RALGAPA1: variants seen among roughly 807,000 people sequenced by gnomAD.
RALGAPA1 encodes the protein ral GTPase-activating protein subunit alpha-1.
In RALGAPA1, 52 loss-of-function variants were observed where a neutral mutation model predicts 269.6. That is an observed-to-expected ratio of 0.19 (90% confidence interval 0.15 to 0.24). The LOEUF (loss-of-function observed/expected upper bound fraction) is 0.24, where lower values mean the gene tolerates loss of function less well. Among genes scored for constraint, RALGAPA1 ranks in the 10% least tolerant of loss-of-function variants. The pLI is 1.00. For synonymous variants in RALGAPA1, 817 were observed against 1,008.3 expected (o/e 0.81, Z 3.60); for missense variants, 1,917 against 3,013.9 (o/e 0.64, Z 8.52).
At chr14:35,547,420 A>T (rs181042564) in intron 41 of RALGAPA1, among the ~76,000 whole-genome samples, 25 of 152,226 alleles carry the variant, frequency 1.6e-4, no homozygotes, top group Admixed American at 1.2e-3. Context: ...TACAGCTGGT[A>T]AACAACGACA....
In RALGAPA1 at chr14:35,684,008, T is replaced by C. The variant is rs747164501; in HGVS notation, c.4295-23A>G. 7 of 1,584,840 alleles carry C rather than the reference T, an allele frequency of 4.4e-6. No homozygotes were observed. In the East Asian group the frequency reaches 6.7e-5, roughly 15 times the overall value. On this transcript the variant is annotated intron_variant, in intron 20 of 41. Transcript: ENST00000680220. ...AATCTATAGGAAGAAGAAATGTTATTATATGAGTCCCAATTACAAAGTAAA... is the reference window on the plus strand; with the variant it reads ...AATCTATAGGAAGAAGAAATGTTATCATATGAGTCCCAATTACAAAGTAAA...
At chr14:35,643,004 T>A (rs1036338585) in intron 31 of RALGAPA1, among the ~76,000 whole-genome samples, 2 of 151,998 alleles carry the variant, frequency 1.3e-5, no homozygotes, top group Non-Finnish European at 1.5e-5. Context: ...TATGCAGCCA[T>A]AAAAAGGATG....
At chr14:35,806,989 G>A (rs1160764693) in intron 1 of RALGAPA1, among the ~76,000 whole-genome samples, 5 of 152,122 alleles carry the variant, frequency 3.3e-5, no homozygotes, top group Non-Finnish European at 7.4e-5. Context: ...TGCCTTATAT[G>A]TGTGACCTCT....
At chr14:35,570,364 A>G (rs1012538840) in intron 39 of RALGAPA1, among the ~76,000 whole-genome samples, 4 of 151,844 alleles carry the variant, frequency 2.6e-5, no homozygotes, top group African/African-American at 9.7e-5. Context: ...ACATCAATAA[A>G]CAGGGAATCA....
intron 35 of RALGAPA1, among the ~76,000 whole-genome samples, chr14:35,623,173 A>G (rs2060754441): frequency 6.6e-6 from 1 of 152,156 alleles, no homozygotes; most frequent in African/African-American, 2.4e-5. Flanking sequence ...AGCACAACAA[A>G]TAATTCAAGA....
chr14:35,596,872 G>A (rs17103417), intron 36 of RALGAPA1, among the ~76,000 whole-genome samples: 2 of 151,982 alleles, frequency 1.3e-5, no homozygotes, highest in Non-Finnish European at 2.9e-5. Context: ...TTATATGTTT[G>A]TATGCACACA....
intron 36 of RALGAPA1, among the ~76,000 whole-genome samples, chr14:35,598,401 TTA>T (rs149494591): frequency 6.7e-6 from 1 of 150,218 alleles, no homozygotes; most frequent in Non-Finnish European, 1.5e-5. Flanking sequence ...CTATATTGTT[TTA>T]TATATATATA....
chr14:35,724,545 G>C (rs1213275717), intron 14 of RALGAPA1, among the ~76,000 whole-genome samples: 1 of 151,524 alleles, frequency 6.6e-6, no homozygotes, highest in African/African-American at 2.4e-5. Flanking sequence ...GAGAAGGGAG[G>C]ATAATAAAGT....
intron 35 of RALGAPA1, among the ~76,000 whole-genome samples, chr14:35,617,318 C>G (rs2060313344): frequency 1.3e-5 from 2 of 151,788 alleles, no homozygotes; most frequent in South Asian, 4.1e-4. Context: ...CCCGTCTCTA[C>G]TAAAAATACA....
intron 23 of RALGAPA1, 110 bp from the exon 24 acceptor site, chr14:35,674,388 T>G: frequency 8.0e-7 from 1 of 1,244,358 alleles, no homozygotes; most frequent in Admixed American, 2.5e-5. Context: ...TAATTACAAT[T>G]AAGTGACTTT....
In RALGAPA1 at chr14:35,752,124, T is replaced by C. The variant is rs776921155; in HGVS notation, c.702A>G (p.Glu234=). ...GTGAAAACAAAAATGAAAATCCCCTTTCTTGGTTTTCTTTGTTCTTCCATT... is the reference window on the plus strand; with the variant it reads ...GTGAAAACAAAAATGAAAATCCCCTCTCTTGGTTTTCTTTGTTCTTCCATT... ...SLEWKNKENQ[E]RGFSFLFSHF... Residue 234 remains glutamate, a synonymous_variant, in exon 8 of 42, where the codon GAA becomes GAG. Transcript: ENST00000680220. The C allele has an allele frequency of 1.3e-6, 2 of 1,581,474 alleles. No homozygotes were observed. Among genetic ancestry groups the C allele is most frequent in the African/African-American group, 1.4e-5 (1 of 73,488 alleles).
chr14:35,709,215 A>C (rs527569057), intron 16 of RALGAPA1, among the ~76,000 whole-genome samples: 1 of 152,260 alleles, frequency 6.6e-6, no homozygotes, highest in East Asian at 1.9e-4. Flanking sequence ...AAAAATAACT[A>C]AAAGAATATA....
At chr14:35,664,561 A>G (rs1368916456) in intron 27 of RALGAPA1, 81 bp downstream of exon 27, 1 of 1,162,312 alleles carries the variant, frequency 8.6e-7, no homozygotes, top group Non-Finnish European at 1.2e-6. Flanking sequence ...CAAAAAGAAA[A>G]GAAAGAATAC....
In RALGAPA1 at chr14:35,789,524, G is replaced by A. The variant is rs985600907; in HGVS notation, c.107-13779C>T. On this transcript the variant is annotated intron_variant, in intron 1 of 41. Transcript: ENST00000680220. ...GGAGAATCACTTGAACCTGGAAGGT[G>A]TAAGTTGCAGTGAGCCGAGATCGTG... Among the ~76,000 whole-genome samples, 4 of 152,140 alleles carry A rather than the reference G, an allele frequency of 2.6e-5. No individual in the cohort carries two copies. In the South Asian group the frequency reaches 8.3e-4, roughly 32 times the overall value.
intron 16 of RALGAPA1, among the ~76,000 whole-genome samples, chr14:35,709,814 T>C (rs1176435220): frequency 6.6e-6 from 1 of 152,230 alleles, no homozygotes; most frequent in Admixed American, 6.5e-5. Flanking sequence ...TATTTAGAAG[T>C]GTGTCGTTTA....
chr14:35,654,574 AT>A, intron 29 of RALGAPA1, 97 bp from the exon 30 acceptor site: 1 of 1,363,584 alleles, frequency 7.3e-7, no homozygotes, highest in Non-Finnish European at 9.7e-7. Context: ...CATTTGTAGG[AT>A]TATAAATCCT....
At chr14:35,654,569 GTAGGATTATAAATCCTACATTTA>G in intron 29 of RALGAPA1, 92 bp from the exon 30 acceptor site, 1 of 1,392,356 alleles carries the variant, frequency 7.2e-7, no homozygotes, top group Non-Finnish European at 9.5e-7. Flanking sequence ...TCATACATTT[GTAGGATTATAAATCCTACATTTA>G]TAGGTGATTA....
chr14:35,594,334 A>T (rs116459157), intron 37 of RALGAPA1, among the ~76,000 whole-genome samples: 738 of 152,248 alleles, frequency 4.8e-3, no homozygotes, highest in African/African-American at 0.016. Flanking sequence ...ACGAAAAGGC[A>T]CCCTACAGAG....
chr14:35,567,340 A>G (rs2056795505), intron 39 of RALGAPA1, among the ~76,000 whole-genome samples: 1 of 152,108 alleles, frequency 6.6e-6, no homozygotes, highest in African/African-American at 2.4e-5. Context: ...TGTTGGGTAG[A>G]CTTGTTTTAT....
Sources: allele counts gnomAD v4.1 joint callset (sites outside exome capture counted in the v4.1 genomes callset), GRCh38; gene constraint gnomAD v4.1.1; transcripts MANE v1.5; gene names NCBI Gene and HGNC (gene_info 2026-07-23, HGNC 2026-07-21).